The following FOXK2 variants were observed in gnomAD, a reference collection of about 807,000 sequenced individuals.
FOXK2 encodes forkhead box K2, also known as forkhead box protein K2.
In FOXK2, 24 loss-of-function variants were observed where a neutral mutation model predicts 53.3. The observed-to-expected ratio is 0.45, with a 90% CI of 0.33 to 0.63. The LOEUF (loss-of-function observed/expected upper bound fraction) is 0.63. Among genes scored for constraint, FOXK2 ranks in the 30% least tolerant of loss-of-function variants. The pLI is 0.03. For synonymous variants in FOXK2, 505 were observed against 407.1 expected, an observed-to-expected ratio of 1.24 and a Z score of -2.89; for missense variants, 952 against 910.5, an observed-to-expected ratio of 1.05 and a Z score of -0.59.
rs772692334 is a variant in FOXK2 at position 82,582,767 on chromosome 17, G to C, written c.936G>C (p.Leu312=). ...ATTCAATTCGCCACAATCTCTCTCTGAATCGTTATTTCATCAAAGTGCCGC... is the reference window on the plus strand; with the variant it reads ...ATTCAATTCGCCACAATCTCTCTCTCAATCGTTATTTCATCAAAGTGCCGC... The part of the protein sequence containing the change: ...WQNSIRHNLS[L]NRYFIKVPRS... The change falls in exon 5 of 9, where the codon CTG becomes CTC. Residue 312 remains leucine, a synonymous_variant. Coordinates refer to ENST00000335255, the MANE Select transcript of FOXK2 (RefSeq NM_004514.4). 18 of 1,600,934 alleles carry C rather than the reference G, an allele frequency of 1.1e-5. No individual in the cohort carries two copies. The highest frequency in any genetic ancestry group is 4.5e-5 in the East Asian group (2 of 44,736).
chr17:82,600,452 A>T (rs1439077687), intron 8 of FOXK2: 2 of 152,288 alleles, frequency 1.3e-5, no homozygotes, highest in Non-Finnish European at 2.9e-5. Flanking sequence ...GTCTTTTCTT[A>T]GTCCTTCACC....
rs1599890372 is a variant in FOXK2 at position 82,548,955 on chromosome 17, G to C, written c.420-14399G>C. On this transcript the variant is annotated intron_variant, in intron 1 of 8. Transcript: ENST00000335255. ...CCACCACCCGTGAGACCTCCAGAGA[G>C]CCTGACCCTGCCATCTGCACTAAGA... Among the ~76,000 whole-genome samples the C allele has an allele frequency of 3.3e-5, 5 of 152,316 alleles. 1 individual carries two copies. The highest frequency in any genetic ancestry group is 3.3e-4 in the Admixed American group (5 of 15,298).
intron 1 of FOXK2, among the ~76,000 whole-genome samples, chr17:82,523,937 C>T (rs373710291): frequency 1.3e-5 from 2 of 152,022 alleles, no homozygotes; most frequent in African/African-American, 4.8e-5. Context: ...CTCTGTTGTC[C>T]AGGCTGGAGT....
intron 8 of FOXK2, among the ~76,000 whole-genome samples, chr17:82,593,116 C>T (rs1313585906): frequency 1.4e-5 from 2 of 147,186 alleles, no homozygotes; most frequent in Non-Finnish European, 3.0e-5. Context: ...GGCTCTTATT[C>T]TGAAAGCAGA....
intron 1 of FOXK2, among the ~76,000 whole-genome samples, chr17:82,559,735 G>A (rs574930030): frequency 2.1e-5 from 3 of 144,308 alleles, no homozygotes; most frequent in African/African-American, 2.6e-5. Context: ...AAGCTCAGTC[G>A]GATCTCAGAT....
At chr17:82,541,796 G>A (rs759558081) in intron 1 of FOXK2, among the ~76,000 whole-genome samples, 1 of 149,794 alleles carries the variant, frequency 6.7e-6, no homozygotes, top group Non-Finnish European at 1.5e-5. Context: ...CTGCTCCCTC[G>A]AATTTCTGGG....
At chr17:82,601,072 T>A (rs533763081) in intron 8 of FOXK2, 1 of 485,008 alleles carries the variant, frequency 2.1e-6, no homozygotes, top group African/African-American at 1.9e-5. Flanking sequence ...TGCAGTTTTT[T>A]GGGGTCCCAA....
intron 6 of FOXK2, chr17:82,585,365 C>G (rs763664993): frequency 6.6e-6 from 1 of 151,680 alleles, no homozygotes. Flanking sequence ...TGCTCTGTCA[C>G]TCATGCTGGA....
At chr17:82,561,657 G>A (rs1385041133) in intron 1 of FOXK2, among the ~76,000 whole-genome samples, 1 of 148,814 alleles carries the variant, frequency 6.7e-6, no homozygotes, top group African/African-American at 2.5e-5. Flanking sequence ...GGGAGGCAGC[G>A]GCAGCACGGC....
chr17:82,550,794 G>A lies in FOXK2; in HGVS notation c.420-12560G>A, dbSNP rs766829798. Among the ~76,000 whole-genome samples the A allele has an allele frequency of 1.2e-4, 19 of 152,200 alleles. 2 individuals carry two copies. In the Middle Eastern group the frequency reaches 0.02, roughly 163 times the overall value. On this transcript the variant is annotated intron_variant, in intron 1 of 8. Transcript: ENST00000335255. Reference sequence around the variant, plus strand: ...TGCTGGGATGACAGGTGTGGGCCACGGCGCCGGCCCTGAGGTGGGCTTTGT... The same window carrying A: ...TGCTGGGATGACAGGTGTGGGCCACAGCGCCGGCCCTGAGGTGGGCTTTGT...
At chr17:82,520,430 G>A (rs1190101455) in intron 1 of FOXK2, 123 bp downstream of exon 1, 1 of 861,070 alleles carries the variant, frequency 1.2e-6, no homozygotes, top group African/African-American at 1.8e-5. Context: ...CCACAGCCGG[G>A]ACCACCAGCG....
In FOXK2 at chr17:82,601,503, C is replaced by A; in HGVS notation, c.*4C>A. Reference sequence around the variant, plus strand: ...GGAAAAGGGTGTCCAGAACTAGCGACCGGGAGAGCTTTTCTTTAACGATAT... The same window carrying A: ...GGAAAAGGGTGTCCAGAACTAGCGAACGGGAGAGCTTTTCTTTAACGATAT... On this transcript the variant is annotated 3_prime_UTR_variant, in exon 9 of 9. Coordinates refer to ENST00000335255, the MANE Select transcript of FOXK2 (RefSeq NM_004514.4). 6.3e-7 allele frequency: 1 copy of A among 1,594,840 alleles called. No homozygotes were observed.
intron 1 of FOXK2, among the ~76,000 whole-genome samples, chr17:82,525,041 T>C (rs187386483): frequency 3.3e-5 from 5 of 151,552 alleles, no homozygotes; most frequent in Admixed American, 6.6e-5. Flanking sequence ...AGTGGCACGA[T>C]CTCGGCTCAC....
intron 1 of FOXK2, among the ~76,000 whole-genome samples, chr17:82,520,887 T>G (rs1238062961): frequency 6.6e-6 from 1 of 152,184 alleles, no homozygotes; most frequent in Non-Finnish European, 1.5e-5. Context: ...TTTCAATCTG[T>G]GCTCTGAACC....
chr17:82,566,073 G>A (rs1489587325), intron 2 of FOXK2, among the ~76,000 whole-genome samples: 1 of 152,098 alleles, frequency 6.6e-6, no homozygotes, highest in Non-Finnish European at 1.5e-5. Flanking sequence ...CTGGGGGCGG[G>A]GAGGGGGAGC....
Position 82,587,103 on chromosome 17 carries a change from C to G in FOXK2, c.1617C>G (p.Leu539=), listed in dbSNP as rs745635003. The G allele has an allele frequency of 2.5e-6, 4 of 1,612,906 alleles. No individual in the cohort carries two copies. The South Asian group carries it at 3.3e-5, about 13-fold the overall frequency. Reference sequence around the variant, plus strand: ...TTCCCGCCATTGGCCACGCCACGCTCGGCACTGCCAGCCGGATCATTCAGA... The same window carrying G: ...TTCCCGCCATTGGCCACGCCACGCTGGGCACTGCCAGCCGGATCATTCAGA... The part of the protein sequence containing the change: ...EPIPAIGHAT[L]GTASRIIQTA... The change falls in exon 8 of 9, where the codon CTC becomes CTG. Residue 539 remains leucine, a synonymous_variant. Coordinates refer to ENST00000335255, the MANE Select transcript of FOXK2 (RefSeq NM_004514.4).
chr17:82,597,222 C>T (rs2045323373), intron 8 of FOXK2, among the ~76,000 whole-genome samples: 1 of 152,242 alleles, frequency 6.6e-6, no homozygotes, highest in Non-Finnish European at 1.5e-5. Context: ...CCAGAGTTTG[C>T]AGTGCTCGCT....
At chr17:82,564,519 C>T (rs549298735) in intron 2 of FOXK2, among the ~76,000 whole-genome samples, 2 of 152,052 alleles carry the variant, frequency 1.3e-5, no homozygotes, top group East Asian at 3.9e-4. Context: ...AACAGATGTG[C>T]TCCACTGTGC....
At chr17:82,537,619 C>CAAAAAA (rs963026198) in intron 1 of FOXK2, among the ~76,000 whole-genome samples, 7 of 53,006 alleles carry the variant, frequency 1.3e-4, no homozygotes, top group Admixed American at 2.5e-4. Flanking sequence ...GACTCCATCT[C>CAAAAAA]AAAAAAAAAA....
Sources: allele counts gnomAD v4.1 joint callset (sites outside exome capture counted in the v4.1 genomes callset), GRCh38; gene constraint gnomAD v4.1.1; transcripts MANE v1.5; gene names NCBI Gene and HGNC (gene_info 2026-07-23, HGNC 2026-07-21).